IRF3: variants seen among roughly 807,000 people sequenced by gnomAD.
The protein encoded by IRF3 is interferon regulatory factor 3.
A neutral mutation model predicts 43.2 loss-of-function variants in IRF3; 29 were observed. That is an observed-to-expected ratio of 0.67 (90% CI 0.50 to 0.91). The LOEUF (loss-of-function observed/expected upper bound fraction) is 0.91. Ranked by LOEUF, IRF3 falls within the 40% of genes least tolerant of loss-of-function variation. The pLI is 0.00. For missense variants in IRF3, 505 were observed against 559.1 expected, an observed-to-expected ratio of 0.90 and a Z score of 0.98; for synonymous variants, 228 against 233.9, an observed-to-expected ratio of 0.97 and a Z score of 0.23.
Position 49,664,679 on chromosome 19 carries a change from A to G in IRF3, c.160T>C (p.Phe54Leu). 1 of 1,613,496 alleles carries G rather than the reference A, an allele frequency of 6.2e-7. No individual in the cohort carries two copies. The highest frequency in any genetic ancestry group is 8.5e-7 in the Non-Finnish European group (1 of 1,179,562). Residue 54 changes from phenylalanine (F) to leucine (L), a missense_variant, in exon 2 of 8, where the codon TTC becomes CTC. Physicochemically the swap from Phe to Leu is conservative, Grantham distance 22. Transcript: ENST00000377139. Reference sequence around the variant, plus strand: ...TCCCAGGTCGTCGCACGCACCTGGAAGATTCCGAAATCCTCCTGCTGTGCA... The same window carrying G: ...TCCCAGGTCGTCGCACGCACCTGGAGGATTCCGAAATCCTCCTGCTGTGCA... ...QDAQQEDFGI[F>L]QAWAEATGAY... is the part of the protein sequence containing the mutation.
intron 5 of IRF3, 39 bp downstream of exon 5, chr19:49,662,385 GC>G: frequency 6.3e-7 from 1 of 1,598,598 alleles, no homozygotes; most frequent in Non-Finnish European, 8.5e-7. Context: ...AGGGGCTGCC[GC>G]CCAGACCTCA....
At chr19:49,660,367 C>A (rs947337145) in intron 7 of IRF3, among the ~76,000 whole-genome samples, 1 of 152,088 alleles carries the variant, frequency 6.6e-6, no homozygotes, top group African/African-American at 2.4e-5. Flanking sequence ...TATCGAACTG[C>A]GCACGTGAGG....
At chr19:49,663,064 A>G (rs1390087360) in intron 4 of IRF3, 124 bp downstream of exon 4, 4 of 864,808 alleles carry the variant, frequency 4.6e-6, no homozygotes, top group Non-Finnish European at 7.8e-6. Context: ...AGACAGGGTC[A>G]GCACTGGCTC....
chr19:49,665,845 T>G lies in IRF3; in HGVS notation c.-223A>C, dbSNP rs998085984. ...GCCGATGGGACGGCCCGCTGGGCTG[T>G]TCCCGCCCCTATGCCCTTTTTTGGG... On this transcript the variant is annotated 5_prime_UTR_variant, in exon 1 of 8. Transcript: ENST00000377139. The G allele has an allele frequency of 1.6e-5, 25 of 1,602,854 alleles. No individual in the cohort carries two copies. Among genetic ancestry groups the G allele is most frequent in the Non-Finnish European group, 2.0e-5 (24 of 1,170,868 alleles).
chr19:49,660,270 G>A (rs1239771507), intron 7 of IRF3, among the ~76,000 whole-genome samples: 1 of 152,122 alleles, frequency 6.6e-6, no homozygotes, highest in African/African-American at 2.4e-5. Context: ...AGCAGGATGT[G>A]AGCAGCGGGT....
chr19:49,660,803 G>T lies in IRF3; in HGVS notation c.1008C>A (p.Ser336Arg). 2 of 1,606,108 alleles carry T rather than the reference G, an allele frequency of 1.2e-6. No individual in the cohort carries two copies. The highest frequency in any genetic ancestry group is 1.1e-5 in the South Asian group (1 of 89,202). ...AGAGGGCATAGCGTGGTGAGCGTCC[G>T]CTTCCTTCCGTGAAGGTAATCAGAT... ...IVDLITFTEG[S>R]GRSPRYALWF... The change falls in exon 7 of 8, where the codon AGC becomes AGA. Residue 336 changes from serine to arginine, a missense_variant. Ser to Arg is a moderately radical substitution (Grantham distance 110, BLOSUM62 -1). Coordinates refer to ENST00000377139, the MANE Select transcript of IRF3 (RefSeq NM_001571.6).
rs1555753021 is a variant in IRF3, at chr19:49,659,990, C to CACACACACATAT, written c.1099-158_1099-157insATATGTGTGTGT. Among the ~76,000 whole-genome samples the CACACACACATAT allele has an allele frequency of 3.1e-3, 271 of 88,066 alleles. 3 individuals carry two copies. In the East Asian group the frequency reaches 0.043, roughly 14 times the overall value. 57.8% of individuals were successfully genotyped at this position (88,066 alleles called of 152,430 possible). ...CTGCTGGGAGTTGTAGTTTTACACACACACACACACACACACACACACACA... is the reference window on the plus strand; with the variant it reads ...CTGCTGGGAGTTGTAGTTTTACACACACACACACATATACACACACACACACACACACACACA... On this transcript the variant is annotated intron_variant, in intron 7 of 7. Transcript: ENST00000377139.
At chr19:49,660,313 G>A (rs2081263656) in intron 7 of IRF3, among the ~76,000 whole-genome samples, 1 of 152,196 alleles carries the variant, frequency 6.6e-6, no homozygotes, top group South Asian at 2.1e-4. Flanking sequence ...TCTGCCTTCT[G>A]TGAGATCAGC....
At chr19:49,664,300 G>C in intron 2 of IRF3, 1 of 514,376 alleles carries the variant, frequency 1.9e-6, no homozygotes, top group Non-Finnish European at 3.5e-6. Flanking sequence ...ATACTAATTC[G>C]GTAGTTAGGA....
chr19:49,664,818 C>A lies in IRF3; in HGVS notation c.21G>T (p.Arg7=), dbSNP rs746140548. ...GCTGCGACACCAGCCAGGGCAGGAT[C>A]CGTGGCTTTGGGGTTCCCATGGTCC... MGTPKP[R]ILPWLVSQLD... is the part of the protein sequence containing the mutation. The change falls in exon 2 of 8, where the codon CGG becomes CGT. Residue 7 remains arginine (R), a synonymous_variant. Transcript: ENST00000377139. 3.1e-6 allele frequency: 5 copies of A among 1,613,408 alleles called. No homozygotes were observed. Among genetic ancestry groups the A allele is most frequent in the South Asian group, 1.1e-5 (1 of 91,054 alleles).
intron 2 of IRF3, 25 bp from the exon 3 acceptor site, chr19:49,663,539 G>A (rs1457640998): frequency 6.2e-7 from 1 of 1,612,106 alleles, no homozygotes. Flanking sequence ...GTGTCAGGAT[G>A]GTGGGGGAGG....
At chr19:49,660,624 G>T in intron 7 of IRF3, 89 bp downstream of exon 7, 1 of 1,338,768 alleles carries the variant, frequency 7.5e-7, no homozygotes, top group Non-Finnish European at 9.9e-7. Flanking sequence ...TTTTTTAGAG[G>T]GCCCTCTGGG....
chr19:49,660,287 A>ATATT (rs1290900661), intron 7 of IRF3, among the ~76,000 whole-genome samples: 14 of 152,096 alleles, frequency 9.2e-5, no homozygotes. Flanking sequence ...GGGTGGGGGA[A>ATATT]TATTACTGCC....
In IRF3 at chr19:49,660,079, TACACACACACACAAACACAC is replaced by T. The variant is rs1342994794; in HGVS notation, c.1099-266_1099-247del. On this transcript the variant is annotated intron_variant, in intron 7 of 7. Transcript: ENST00000377139. ...CTAGGGCTGCTGGGAGTTGTAGTTT[TACACACACACACAAACACAC>T]ACACACACACACGTCAGGGCTGAGC... 3.4e-5 allele frequency among the ~76,000 whole-genome samples: 5 copies of T among 145,144 alleles called. No individual in the cohort carries two copies. In the East Asian group the frequency reaches 1.0e-3, roughly 29 times the overall value.
chr19:49,663,501 G>A lies in IRF3; in HGVS notation c.179C>T (p.Ala60Val). 1 of 1,614,038 alleles carries A rather than the reference G, an allele frequency of 6.2e-7. No individual in the cohort carries two copies. The highest frequency in any genetic ancestry group is 8.5e-7 in the Non-Finnish European group (1 of 1,179,968). ...DFGIFQAWAE[A>V]TGAYVPGRDK... ...CCTCCCGGGAACATATGCACCAGTG[G>A]CCTCGGCCCAGGCCTGGGGCAACAG... The change falls in exon 3 of 8, where the codon GCC becomes GTC. Residue 60 changes from alanine to valine, a missense_variant. Transcript: ENST00000377139.
rs760661395 is a variant in IRF3, at chr19:49,662,399, C to T, written c.601+26G>A. ...CAGGGGCTGCCGCCCAGACCTCAGCCCTCCCAGCCTGCAGCTGACACTCAC... is the reference window on the plus strand; with the variant it reads ...CAGGGGCTGCCGCCCAGACCTCAGCTCTCCCAGCCTGCAGCTGACACTCAC... On this transcript the variant is annotated intron_variant, in intron 5 of 7. Transcript: ENST00000377139. The T allele has an allele frequency of 3.1e-6, 5 of 1,593,144 alleles. No individual in the cohort carries two copies. The South Asian group carries it at 3.4e-5, about 11-fold the overall frequency.
In IRF3 at chr19:49,659,843, A is replaced by G. The variant is rs374496764; in HGVS notation, c.1099-10T>C. On this transcript the variant is annotated splice_polypyrimidine_tract_variant and intron_variant, in intron 7 of 7. Transcript: ENST00000377139. ...GGCACGTGGGCACAACCTGCAGGGG[A>G]AGTGGGGACAGGAGTCAGGGAAAAC... The G allele has an allele frequency of 6.4e-7, 1 of 1,569,414 alleles. No homozygotes were observed.
chr19:49,664,770 G>T lies in IRF3; in HGVS notation c.69C>A (p.Gly23=), dbSNP rs2122719292. The T allele has an allele frequency of 6.2e-7, 1 of 1,613,952 alleles. No individual in the cohort carries two copies. The highest frequency in any genetic ancestry group is 8.5e-7 in the Non-Finnish European group (1 of 1,179,966). ...TGCGGCTCTTGTTCACCCAGGCCAC[G>T]CCCTCCAGTTGCCCCAGGTCCAGCT... ...VSQLDLGQLE[G]VAWVNKSRTR... is the part of the protein sequence containing the mutation. Residue 23 remains glycine (G), a synonymous_variant, in exon 2 of 8, where the codon GGC becomes GGA. Coordinates refer to ENST00000377139, the MANE Select transcript of IRF3 (RefSeq NM_001571.6).
intron 2 of IRF3, 37 bp downstream of exon 2, chr19:49,664,637 G>T: frequency 3.1e-6 from 5 of 1,609,222 alleles, no homozygotes; most frequent in Non-Finnish European, 4.2e-6. Context: ...CCAGCGCGCA[G>T]CTCCGGGTTT....
Sources: gnomAD v4.1 joint callset for allele counts (sites outside exome capture counted in the v4.1 genomes callset) on GRCh38, gnomAD v4.1.1 for gene constraint, MANE v1.5 for transcripts, NCBI Gene and HGNC (gene_info 2026-07-23, HGNC 2026-07-21) for gene names.